Variants in TMEM71 observed in about 807,000 individuals in gnomAD.
TMEM71 encodes transmembrane protein 71.
In TMEM71, 44 loss-of-function variants were observed where a neutral mutation model predicts 38.0. That is an observed-to-expected ratio of 1.16 (90% CI 0.91 to 1.49). TMEM71 has a LOEUF of 1.49. TMEM71 is among the 40% of genes most tolerant of loss of function. TMEM71 has a pLI of 0.00. For missense variants in TMEM71, 367 were observed against 348.6 expected (o/e 1.05, Z -0.42); for synonymous variants, 133 against 122.5 (o/e 1.09, Z -0.56).
intron 5 of TMEM71, among the ~76,000 whole-genome samples, chr8:132,733,794 T>G (rs1418798721): frequency 6.6e-6 from 1 of 152,138 alleles, no homozygotes; most frequent in Non-Finnish European, 1.5e-5. Flanking sequence ...ATGTGGTATA[T>G]GCATCCAATG....
At chr8:132,719,470 A>G (rs979397306) in intron 7 of TMEM71, among the ~76,000 whole-genome samples, 2 of 152,202 alleles carry the variant, frequency 1.3e-5, no homozygotes, top group Non-Finnish European at 2.9e-5. Context: ...TTTGATTCTC[A>G]TCCTCAAGAT....
rs1445803411 is a variant in TMEM71, at chr8:132,710,225, G to A, written c.*742C>T. On this transcript the variant is annotated 3_prime_UTR_variant, in exon 10 of 10. Transcript: ENST00000677595. ...CTGCACCATTTTCATGCATTTGAAA[G>A]CGCATTGGTGTTTTGCCTATATTTT... is the stretch of plus-strand genomic sequence containing the variant. The A allele has an allele frequency of 2.0e-5, 3 of 152,120 alleles. No homozygotes were observed. Among genetic ancestry groups the A allele is most frequent in the Non-Finnish European group, 4.4e-5 (3 of 68,052 alleles). 9.4% of individuals were successfully genotyped at this position (152,120 alleles called of 1,614,324 possible).
At chr8:132,727,650 TG>T in intron 6 of TMEM71, 147 bp downstream of exon 6, 2 of 621,890 alleles carry the variant, frequency 3.2e-6, no homozygotes, top group Non-Finnish European at 2.7e-6. Flanking sequence ...AAGGGTCACC[TG>T]GGCTTTGGCA....
At chr8:132,738,372 G>T (rs1827858579) in intron 5 of TMEM71, among the ~76,000 whole-genome samples, 1 of 152,018 alleles carries the variant, frequency 6.6e-6, no homozygotes, top group South Asian at 2.1e-4. Flanking sequence ...AGTTTTCTTT[G>T]ATTCTCCCAC....
intron 6 of TMEM71, among the ~76,000 whole-genome samples, chr8:132,725,238 T>C (rs1024949968): frequency 2.6e-5 from 4 of 152,030 alleles, no homozygotes; most frequent in Non-Finnish European, 4.4e-5. Context: ...CCATGTTGCC[T>C]AGGCTGGTCT....
chr8:132,729,995 G>T (rs980892968), intron 5 of TMEM71, among the ~76,000 whole-genome samples: 1 of 147,432 alleles, frequency 6.8e-6, no homozygotes. Context: ...TTTTGCTCTT[G>T]TTGCCCAGGC....
chr8:132,769,616 A>C, the TMEM71 span, among the ~76,000 whole-genome samples: 2 of 152,046 alleles, frequency 1.3e-5, no homozygotes, highest in African/African-American at 2.4e-5. Context: ...TTCATGAATG[A>C]GATTAGTCCC....
At chr8:132,760,654 G>A (rs570438874), upstream of TMEM71, 6 of 152,348 alleles carry the variant, frequency 3.9e-5, no homozygotes, top group Admixed American at 2.0e-4. Flanking sequence ...GTAACCAGAG[G>A]CAAAGAAGCA....
chr8:132,740,172 C>A lies in TMEM71; in HGVS notation c.487+6770G>T, dbSNP rs188292486. Among the ~76,000 whole-genome samples, 73 of 152,220 alleles carry A rather than the reference C, an allele frequency of 4.8e-4. 1 individual carries two copies. The highest frequency in any genetic ancestry group is 1.6e-3 in the African/African-American group (68 of 41,506). On this transcript the variant is annotated intron_variant, in intron 5 of 9. Coordinates refer to ENST00000677595, the MANE Select transcript of TMEM71 (RefSeq NM_001382403.1). ...TTTCCCACTTGCATTCCTGACACACCTTTCAGTCTTTTCCCTACTATCCCC... is the reference window on the plus strand; with the variant it reads ...TTTCCCACTTGCATTCCTGACACACATTTCAGTCTTTTCCCTACTATCCCC...
chr8:132,760,108 C>T (rs1368692883), intron 1 of TMEM71, among the ~76,000 whole-genome samples: 2 of 151,950 alleles, frequency 1.3e-5, no homozygotes, highest in African/African-American at 4.8e-5. Context: ...AAAAGAAGGT[C>T]TTATTGCTCT....
chr8:132,749,248 T>C (rs902593808), intron 4 of TMEM71, among the ~76,000 whole-genome samples: 1 of 152,148 alleles, frequency 6.6e-6, no homozygotes, highest in African/African-American at 2.4e-5. Flanking sequence ...CAACCATGGC[T>C]GAAATCTAAA....
intron 4 of TMEM71, among the ~76,000 whole-genome samples, chr8:132,749,413 A>C (rs1487248683): frequency 6.6e-6 from 1 of 152,222 alleles, no homozygotes; most frequent in Non-Finnish European, 1.5e-5. Context: ...CTGGACACAC[A>C]ACTGAACTAG....
chr8:132,764,735 C>T (rs1829342866), upstream of TMEM71, among the ~76,000 whole-genome samples: 1 of 152,198 alleles, frequency 6.6e-6, no homozygotes, highest in South Asian at 2.1e-4. Context: ...TTATGGATCC[C>T]ATAGCTGTCT....
the TMEM71 span, among the ~76,000 whole-genome samples, chr8:132,769,980 C>A: frequency 6.6e-6 from 1 of 152,236 alleles, no homozygotes; most frequent in East Asian, 1.9e-4. Context: ...AGAATGATCA[C>A]TAAGAGAGTA....
chr8:132,752,428 A>T (rs1828766201), intron 3 of TMEM71, among the ~76,000 whole-genome samples: 1 of 152,210 alleles, frequency 6.6e-6, no homozygotes, highest in Admixed American at 6.5e-5. Flanking sequence ...CACGGTGAAC[A>T]TGCAGTCAAA....
chr8:132,748,416 C>T (rs1828511041), intron 4 of TMEM71, among the ~76,000 whole-genome samples: 2 of 152,198 alleles, frequency 1.3e-5, no homozygotes, highest in South Asian at 2.1e-4. Flanking sequence ...ATTAAACATC[C>T]TACAATGCAC....
chr8:132,741,966 G>C (rs556200681), intron 5 of TMEM71, among the ~76,000 whole-genome samples: 149 of 152,334 alleles, frequency 9.8e-4, no homozygotes, highest in African/African-American at 3.5e-3. Flanking sequence ...CTGGCAACGG[G>C]CGTCTTCCCA....
At chr8:132,772,956 A>T in the TMEM71 span, among the ~76,000 whole-genome samples, 27 of 152,356 alleles carry the variant, frequency 1.8e-4, 1 homozygote, top group South Asian at 5.4e-3. Context: ...AATGTTCAGA[A>T]AAAAGGTCAG....
chr8:132,732,341 G>T (rs894143379), intron 5 of TMEM71, among the ~76,000 whole-genome samples: 3 of 152,144 alleles, frequency 2.0e-5, no homozygotes, highest in African/African-American at 7.2e-5. Context: ...GACAGGCCAG[G>T]CAGAGAGGAA....
Sources: allele counts gnomAD v4.1 joint callset (sites outside exome capture counted in the v4.1 genomes callset), GRCh38; gene constraint gnomAD v4.1.1; transcripts MANE v1.5; gene names NCBI Gene and HGNC (gene_info 2026-07-23, HGNC 2026-07-21).